GLDC: variants seen among roughly 807,000 people sequenced by gnomAD.
GLDC encodes glycine dehydrogenase (decarboxylating), mitochondrial.
In GLDC, 104 loss-of-function variants were observed where a neutral mutation model predicts 121.3. The observed-to-expected ratio is 0.86, with a 90% CI of 0.73 to 1.01. The LOEUF is 1.01. GLDC is among the 50% of genes least tolerant of loss of function. The pLI, the probability that GLDC is intolerant of heterozygous loss-of-function variation, is 0.00. For synonymous variants in GLDC, 546 were observed against 480.6 expected, an observed-to-expected ratio of 1.14 and a Z score of -1.78; for missense variants, 1,429 against 1,306.6, an observed-to-expected ratio of 1.09 and a Z score of -1.44.
chr9:6,588,826 A>T (rs771158341), intron 12 of GLDC, 124 bp from the exon 13 acceptor site: 2 of 729,954 alleles, frequency 2.7e-6, no homozygotes, highest in Admixed American at 3.9e-5. Context: ...GCCACGGACA[A>T]TATGTCAACT....
At chr9:6,643,224 T>C (rs1819663769) in intron 2 of GLDC, among the ~76,000 whole-genome samples, 1 of 151,772 alleles carries the variant, frequency 6.6e-6, no homozygotes, top group South Asian at 2.1e-4. Flanking sequence ...AAAATGGAAA[T>C]AGATAAGGCT....
At chr9:6,588,568 C>T (rs75713620) in intron 13 of GLDC, 50 bp downstream of exon 13, 62 of 1,483,118 alleles carry the variant, frequency 4.2e-5, no homozygotes, top group African/African-American at 5.5e-5. Context: ...GACCAAGAGA[C>T]GTGGGATTGG....
chr9:6,610,377 C>G lies in GLDC; in HGVS notation c.471-21G>C, dbSNP rs1335180355. The G allele has an allele frequency of 5.0e-6, 8 of 1,612,816 alleles. No homozygotes were observed. The Admixed American group carries it at 5.0e-5, about 10-fold the overall frequency. ...TGATCCTGCAAGGGAAACAAAAGGT[C>G]TTGTCCAAACTGACTGCTGTTTAGA... On this transcript the variant is annotated intron_variant, in intron 3 of 24. Coordinates refer to ENST00000321612, the MANE Select transcript of GLDC (RefSeq NM_000170.3).
In GLDC at chr9:6,645,245, C is replaced by T; in HGVS notation, c.255G>A (p.Ala85=). The change falls in exon 1 of 25, where the codon GCG becomes GCA. Residue 85 remains alanine (A), a splice_region_variant and synonymous_variant. Coordinates refer to ENST00000321612, the MANE Select transcript of GLDC (RefSeq NM_000170.3). The stretch of plus-strand genomic sequence containing the variant: ...CGGAGGGCCGGGTGGAGGTCCTTAC[C>T]GCCAGCCCCAAGGTCTGCAGCATCT... ...QREMLQTLGL[A]SIDELIEKTV... is the part of the protein sequence containing the mutation. 6.3e-7 allele frequency: 1 copy of T among 1,591,410 alleles called. No individual in the cohort carries two copies. The highest frequency in any genetic ancestry group is 8.6e-7 in the Non-Finnish European group (1 of 1,168,854).
rs777632051 is a variant in GLDC, at chr9:6,604,774, C to A, written c.872G>T (p.Cys291Phe). Residue 291 changes from cysteine to phenylalanine, a missense_variant, in exon 7 of 25, where the codon TGC (cysteine) becomes TTC (phenylalanine). Coordinates refer to ENST00000321612, the MANE Select transcript of GLDC (RefSeq NM_000170.3). ...ERAHQSGSLA[C>F]CATDLLALCI... is the part of the protein sequence containing the mutation. Reference sequence around the variant, plus strand: ...CAAAGCTAAAAGGTCAGTAGCACAGCAGGCCAGGCTCTAGAAAGGAAGTGA... The same window carrying A: ...CAAAGCTAAAAGGTCAGTAGCACAGAAGGCCAGGCTCTAGAAAGGAAGTGA... 1.2e-6 allele frequency: 2 copies of A among 1,613,816 alleles called. No individual in the cohort carries two copies. The highest frequency in any genetic ancestry group is 1.7e-6 in the Non-Finnish European group (2 of 1,179,674).
chr9:6,595,731 G>T (rs935389484), intron 8 of GLDC, among the ~76,000 whole-genome samples: 6 of 152,180 alleles, frequency 3.9e-5, no homozygotes, highest in African/African-American at 1.4e-4. Context: ...GACTCCAGAA[G>T]CCGAGATGGA....
chr9:6,628,733 C>A (rs1488500886), intron 2 of GLDC, among the ~76,000 whole-genome samples: 1 of 152,108 alleles, frequency 6.6e-6, no homozygotes, highest in Non-Finnish European at 1.5e-5. Flanking sequence ...AGAGTGAGAC[C>A]CTGCCTAAAG....
chr9:6,629,957 A>ATATATATATTTTT lies in GLDC; in HGVS notation c.335-9639_335-9638insAAAAATATATATA. Among the ~76,000 whole-genome samples the ATATATATATTTTT allele has an allele frequency of 2.6e-4, 22 of 83,040 alleles. 1 individual carries two copies. Among genetic ancestry groups the ATATATATATTTTT allele is most frequent in the Middle Eastern group, 4.9e-3 (1 of 204 alleles). The allele number at this position is 83,040 out of a possible 152,430, so 54.5% of individuals were successfully genotyped here. ...TATATATATATATGTATATATATAT[A>ATATATATATTTTT]TTTTTTTTTTTTAAGAGAGACAAGG... is the stretch of plus-strand genomic sequence containing the variant. On this transcript the variant is annotated intron_variant, in intron 2 of 24. Transcript: ENST00000321612.
chr9:6,629,221 AT>A (rs34170195), intron 2 of GLDC, among the ~76,000 whole-genome samples: 35,327 of 145,180 alleles, frequency 0.24, 5,386 homozygotes, highest in African/African-American at 0.45. Context: ...TTAAATATTC[AT>A]TTTTTTTTTT....
In GLDC at chr9:6,626,008, C is replaced by G. The variant is rs1004556803; in HGVS notation, c.335-5689G>C. Among the ~76,000 whole-genome samples, 3 of 152,230 alleles carry G rather than the reference C, an allele frequency of 2.0e-5. No individual in the cohort carries two copies. In the East Asian group the frequency reaches 5.8e-4, roughly 29 times the overall value. ...AAATCAAACTCCAGATCGCTTCCCT[C>G]TGAGAACACAAAATGCCACCCCTCT... On this transcript the variant is annotated intron_variant, in intron 2 of 24. Transcript: ENST00000321612.
intron 16 of GLDC, among the ~76,000 whole-genome samples, chr9:6,559,252 C>A (rs908497160): frequency 6.6e-6 from 1 of 152,116 alleles, no homozygotes; most frequent in African/African-American, 2.4e-5. Flanking sequence ...CAGTGGCTCA[C>A]GCGTGTAATC....
At chr9:6,548,447 T>G (rs1040243482) in intron 21 of GLDC, among the ~76,000 whole-genome samples, 1 of 152,226 alleles carries the variant, frequency 6.6e-6, no homozygotes, top group Non-Finnish European at 1.5e-5. Flanking sequence ...TTTATTGTGC[T>G]GCTTAGAGAC....
chr9:6,536,846 G>T (rs1817138625), intron 22 of GLDC, among the ~76,000 whole-genome samples: 1 of 152,298 alleles, frequency 6.6e-6, no homozygotes, highest in Admixed American at 6.5e-5. Flanking sequence ...GTATGATAAG[G>T]AAACTGAAGT....
chr9:6,575,553 G>C (rs1818048983), intron 15 of GLDC, among the ~76,000 whole-genome samples: 1 of 152,208 alleles, frequency 6.6e-6, no homozygotes, highest in Non-Finnish European at 1.5e-5. Context: ...AATTCTGACA[G>C]CCATTGAGAG....
chr9:6,547,100 C>A (rs79274967), intron 21 of GLDC, among the ~76,000 whole-genome samples: 2 of 152,112 alleles, frequency 1.3e-5, no homozygotes, highest in African/African-American at 4.8e-5. Context: ...CCCGCCTCAG[C>A]CTTCCAAAGT....
At chr9:6,585,467 T>G (rs1277572588) in intron 15 of GLDC, among the ~76,000 whole-genome samples, 1 of 152,138 alleles carries the variant, frequency 6.6e-6, no homozygotes, top group Non-Finnish European at 1.5e-5. Context: ...ACTTTCATGC[T>G]ATCAGCTCCT....
chr9:6,565,451 G>A, intron 15 of GLDC, 22 bp from the exon 16 acceptor site: 18 of 1,583,052 alleles, frequency 1.1e-5, no homozygotes, highest in Non-Finnish European at 1.5e-5. Flanking sequence ...AAGAAGAAAG[G>A]GATCACGGTT....
At chr9:6,608,258 A>C (rs543312273) in intron 4 of GLDC, among the ~76,000 whole-genome samples, 1 of 136,192 alleles carries the variant, frequency 7.3e-6, no homozygotes, top group African/African-American at 2.8e-5. Flanking sequence ...CTAAAAATAC[A>C]AAAAAAAAAA....
intron 15 of GLDC, among the ~76,000 whole-genome samples, chr9:6,583,150 G>C (rs1035505695): frequency 1.3e-5 from 2 of 152,136 alleles, no homozygotes; most frequent in African/African-American, 4.8e-5. Flanking sequence ...GCAGAAGACA[G>C]TACGGCGATT....
Sources: gnomAD v4.1 joint callset for allele counts (sites outside exome capture counted in the v4.1 genomes callset) on GRCh38, gnomAD v4.1.1 for gene constraint, MANE v1.5 for transcripts, NCBI Gene and HGNC (gene_info 2026-07-23, HGNC 2026-07-21) for gene names.